The following SNX7 variants were observed in gnomAD, a reference collection of about 807,000 sequenced individuals.
SNX7 encodes the protein sorting nexin-7.
A neutral mutation model predicts 48.4 loss-of-function variants in SNX7; 35 were observed. The ratio of observed to expected loss-of-function variants is 0.72; its 90% CI spans 0.55 to 0.96. The LOEUF is 0.96. Among genes scored for constraint, SNX7 ranks in the 40% least tolerant of loss-of-function variants. The pLI, the probability that SNX7 is intolerant of heterozygous loss-of-function variation, is 0.00. For synonymous variants in SNX7, 190 were observed against 190.2 expected (o/e 1.00, Z 0.01); for missense variants, 553 against 548.9 (o/e 1.01, Z -0.07).
chr1:98,691,629 A>G lies in SNX7; in HGVS notation c.569A>G (p.Asn190Ser), dbSNP rs1462692801. 8 of 1,611,712 alleles carry G rather than the reference A, an allele frequency of 5.0e-6. No homozygotes were observed. Among genetic ancestry groups the G allele is most frequent in the Non-Finnish European group, 6.8e-6 (8 of 1,178,680 alleles). The change falls in exon 4 of 9, where the codon AAC becomes AGC. Residue 190 changes from asparagine to serine, a missense_variant. Asn to Ser is a conservative substitution (Grantham distance 46, BLOSUM62 1). Coordinates refer to ENST00000306121, the MANE Select transcript of SNX7 (RefSeq NM_015976.5). ...AGGAAGGCTTTACATAAATTTTTGAACCGAATTGCTGATCATCCAACTTTA... is the reference window on the plus strand; with the variant it reads ...AGGAAGGCTTTACATAAATTTTTGAGCCGAATTGCTGATCATCCAACTTTA... ...TRRKALHKFL[N>S]RIADHPTLTF...
At chr1:98,694,255 A>G (rs560760435) in intron 4 of SNX7, among the ~76,000 whole-genome samples, 22 of 151,846 alleles carry the variant, frequency 1.4e-4, no homozygotes, top group African/African-American at 4.8e-4. Context: ...CTGTAATCCC[A>G]GCTACTCAGG....
chr1:98,711,803 G>C (rs184284879), intron 7 of SNX7, among the ~76,000 whole-genome samples: 1 of 152,278 alleles, frequency 6.6e-6, no homozygotes, highest in African/African-American at 2.4e-5. Context: ...ATTCCCCGTA[G>C]CATGCAATGT....
At chr1:98,705,189 G>T (rs535162804) in intron 7 of SNX7, among the ~76,000 whole-genome samples, 1 of 152,234 alleles carries the variant, frequency 6.6e-6, no homozygotes, top group East Asian at 1.9e-4. Context: ...AGAGTTTGTG[G>T]TTTGTAGTTC....
intron 1 of SNX7, among the ~76,000 whole-genome samples, chr1:98,680,016 C>T (rs138432070): frequency 1.0e-3 from 154 of 152,338 alleles, no homozygotes; most frequent in African/African-American, 3.4e-3. Context: ...CCCTTTTGTA[C>T]TGCCCTAGCA....
At chr1:98,679,385 C>T (rs1650352501) in intron 1 of SNX7, among the ~76,000 whole-genome samples, 1 of 152,142 alleles carries the variant, frequency 6.6e-6, no homozygotes. Flanking sequence ...AGTGGGGACA[C>T]AGCCAAACCA....
Position 98,698,703 on chromosome 1 carries a change from TAG to T in SNX7, c.839-1_839del. 6.3e-7 allele frequency: 1 copy of T among 1,597,264 alleles called. No homozygotes were observed. The highest frequency in any genetic ancestry group is 1.7e-5 in the Admixed American group (1 of 57,264). Reference sequence around the variant, plus strand: ...AGCTTATTAAGTCTTTTTTTTTTTTTAGAATATTTTGATGAAATGAAAGAATA... The same window carrying T: ...AGCTTATTAAGTCTTTTTTTTTTTTTAATATTTTGATGAAATGAAAGAATA... On this transcript the variant is annotated splice_acceptor_variant, in intron 5 of 8. Transcript: ENST00000306121. LOFTEE classifies it high-confidence loss of function.
At chr1:98,749,284 T>C (rs1035121786) in intron 8 of SNX7, among the ~76,000 whole-genome samples, 1 of 152,094 alleles carries the variant, frequency 6.6e-6, no homozygotes, top group African/African-American at 2.4e-5. Flanking sequence ...TTATCAATCT[T>C]GAGTTAGACA....
chr1:98,687,082 T>C (rs895458273), intron 2 of SNX7, among the ~76,000 whole-genome samples: 1 of 152,162 alleles, frequency 6.6e-6, no homozygotes, highest in African/African-American at 2.4e-5. Flanking sequence ...ACATTTACTG[T>C]GTGACTGCTT....
intron 7 of SNX7, among the ~76,000 whole-genome samples, chr1:98,727,392 G>A (rs1238175449): frequency 6.6e-6 from 1 of 151,970 alleles, no homozygotes. Flanking sequence ...ATTAAAGGTA[G>A]ATAAACTCAG....
At chr1:98,721,091 C>T (rs1242040671) in intron 7 of SNX7, among the ~76,000 whole-genome samples, 2 of 99,766 alleles carry the variant, frequency 2.0e-5, no homozygotes, top group African/African-American at 3.1e-5. Flanking sequence ...TTACTTGCAC[C>T]TCAAGTTTGT....
At position 98,698,743 on chromosome 1, in the gene SNX7, T is replaced by C. The variant is rs955305439; in HGVS notation, c.876T>C (p.His292=). The C allele has an allele frequency of 2.5e-6, 4 of 1,613,272 alleles. No individual in the cohort carries two copies. The African/African-American group carries it at 5.3e-5, about 22-fold the overall frequency. Residue 292 remains histidine (H), a synonymous_variant, in exon 6 of 9, where the codon CAT becomes CAC. Coordinates refer to ENST00000306121, the MANE Select transcript of SNX7 (RefSeq NM_015976.5). Reference sequence around the variant, plus strand: ...AAATGAAAGAATATGGCCCAATTCATATTCTGTGGTCAGCGTCAGAAGAGG... The same window carrying C: ...AAATGAAAGAATATGGCCCAATTCACATTCTGTGGTCAGCGTCAGAAGAGG... The part of the protein sequence containing the change: ...FDEMKEYGPI[H]ILWSASEEDL...
chr1:98,711,053 G>C (rs1166195551), intron 7 of SNX7, among the ~76,000 whole-genome samples: 1 of 152,140 alleles, frequency 6.6e-6, no homozygotes, highest in Admixed American at 6.6e-5. Flanking sequence ...ATCTAGCTCT[G>C]TCACCCAGGC....
chr1:98,670,751 C>G (rs572632406), intron 1 of SNX7, among the ~76,000 whole-genome samples: 1 of 152,004 alleles, frequency 6.6e-6, no homozygotes, highest in African/African-American at 2.4e-5. Context: ...CTGTCCCCAT[C>G]ATTAAATGAC....
intron 7 of SNX7, among the ~76,000 whole-genome samples, chr1:98,735,331 A>G (rs143232490): frequency 1.6e-4 from 25 of 152,284 alleles, no homozygotes; most frequent in African/African-American, 6.0e-4. Context: ...AATTGAAATT[A>G]TGGAAAGATG....
intron 8 of SNX7, among the ~76,000 whole-genome samples, chr1:98,755,549 T>C (rs900474631): frequency 4.6e-5 from 7 of 151,300 alleles, no homozygotes; most frequent in Middle Eastern, 3.4e-3. Flanking sequence ...TGATCTTTGC[T>C]CTGAGATCTA....
At chr1:98,679,266 G>A (rs1242269185) in intron 1 of SNX7, among the ~76,000 whole-genome samples, 2 of 152,118 alleles carry the variant, frequency 1.3e-5, no homozygotes, top group Non-Finnish European at 2.9e-5. Context: ...CGTATTCATT[G>A]TCATGAGAAC....
intron 8 of SNX7, among the ~76,000 whole-genome samples, chr1:98,756,322 A>T (rs1340887570): frequency 6.6e-6 from 1 of 151,030 alleles, no homozygotes; most frequent in African/African-American, 2.4e-5. Context: ...ATACATTTAA[A>T]TAATAGGAAA....
intron 2 of SNX7, among the ~76,000 whole-genome samples, chr1:98,689,492 G>C (rs1273514902): frequency 6.6e-6 from 1 of 151,984 alleles, no homozygotes; most frequent in African/African-American, 2.4e-5. Context: ...CCAATTATTT[G>C]ACTTGATTTT....
intron 8 of SNX7, among the ~76,000 whole-genome samples, chr1:98,755,835 TAAAC>T (rs1217317011): frequency 6.6e-6 from 1 of 151,994 alleles, no homozygotes; most frequent in Admixed American, 6.6e-5. Flanking sequence ...ATAAGAAATT[TAAAC>T]AAAGTATAGG....
Sources: allele counts gnomAD v4.1 joint callset (sites outside exome capture counted in the v4.1 genomes callset), GRCh38; gene constraint gnomAD v4.1.1; transcripts MANE v1.5; gene names NCBI Gene and HGNC (gene_info 2026-07-23, HGNC 2026-07-21).